Variants in CTNNA3 observed in about 807,000 individuals in gnomAD.
The protein encoded by CTNNA3 is catenin alpha 3, also known as catenin alpha-3.
A neutral mutation model predicts 95.7 loss-of-function variants in CTNNA3; 76 were observed. The ratio of observed to expected loss-of-function variants is 0.79; its 90% CI spans 0.66 to 0.96. The LOEUF is 0.96. Ranked by LOEUF, CTNNA3 falls within the 40% of genes least tolerant of loss-of-function variation. The probability of loss-of-function intolerance (pLI) is 0.00; values close to 1 mark genes in which losing one functional copy is unlikely to be tolerated. For synonymous variants in CTNNA3, 431 were observed against 374.4 expected, an observed-to-expected ratio of 1.15 and a Z score of -1.74; for missense variants, 1,191 against 1,089.8, an observed-to-expected ratio of 1.09 and a Z score of -1.31.
chr10:66,482,570 GATA>G (rs1387569528), intron 11 of CTNNA3, among the ~76,000 whole-genome samples: 2 of 151,984 alleles, frequency 1.3e-5, no homozygotes, highest in African/African-American at 4.8e-5. Context: ...ATATTCTTAA[GATA>G]ATATTTCCTT....
chr10:67,680,452 A>G (rs1004491721), intron 1 of CTNNA3, among the ~76,000 whole-genome samples: 4 of 152,312 alleles, frequency 2.6e-5, no homozygotes, highest in African/African-American at 9.6e-5. Flanking sequence ...GAGATTTTAG[A>G]ACGTCACAGG....
At chr10:66,618,311 T>C (rs540013754) in intron 10 of CTNNA3, among the ~76,000 whole-genome samples, 88 of 151,976 alleles carry the variant, frequency 5.8e-4, no homozygotes, top group African/African-American at 1.9e-3. Flanking sequence ...CTTCAAACTA[T>C]ACTACAAGGC....
chr10:66,017,084 C>T (rs1218687072), intron 15 of CTNNA3, among the ~76,000 whole-genome samples: 3 of 152,104 alleles, frequency 2.0e-5, no homozygotes, highest in African/African-American at 7.2e-5. Context: ...AATGCCTGGA[C>T]TATATTGCCT....
chr10:66,014,852 C>T (rs565128869), intron 15 of CTNNA3, among the ~76,000 whole-genome samples: 52 of 152,220 alleles, frequency 3.4e-4, no homozygotes, highest in African/African-American at 1.1e-3. Context: ...TGCCTGTAAT[C>T]CCAGCACTGT....
At chr10:67,342,840 T>C (rs1338997250) in intron 5 of CTNNA3, among the ~76,000 whole-genome samples, 1 of 152,228 alleles carries the variant, frequency 6.6e-6, no homozygotes, top group African/African-American at 2.4e-5. Context: ...TTGGTTACTA[T>C]AGCTCTGTAG....
At chr10:67,566,022 C>T (rs1266451413) in intron 3 of CTNNA3, among the ~76,000 whole-genome samples, 1 of 57,314 alleles carries the variant, frequency 1.7e-5, no homozygotes, top group East Asian at 7.1e-4. Flanking sequence ...CACAAACACA[C>T]ACACACACAT....
rs531034905 is a variant in CTNNA3 at position 67,750,448 on chromosome 10, G to T, written c.-2+12986C>A. On this transcript the variant is annotated intron_variant, in intron 1 of 17. Transcript: ENST00000684154. ...ATGTCTATCAGAATGAACATGAGGT[G>T]GGGGAAGCCATCCAAGAGAAGATCC... 2.7e-6 allele frequency: 4 copies of T among 1,498,308 alleles called. 1 individual carries two copies. The Admixed American group carries it at 6.7e-5, about 25-fold the overall frequency. The allele number at this position is 1,498,308 out of a possible 1,614,324, so 92.8% of individuals were successfully genotyped here.
chr10:66,588,249 C>T (rs984140803), intron 10 of CTNNA3, among the ~76,000 whole-genome samples: 2 of 151,880 alleles, frequency 1.3e-5, no homozygotes, highest in African/African-American at 4.8e-5. Context: ...GTCTCTCCCC[C>T]TCTCACACAC....
intron 11 of CTNNA3, among the ~76,000 whole-genome samples, chr10:66,466,848 G>C (rs1020452197): frequency 6.6e-6 from 1 of 152,106 alleles, no homozygotes; most frequent in Admixed American, 6.6e-5. Context: ...TGCTTGAAAA[G>C]AATAGATGTA....
chr10:66,149,658 T>C (rs1408399426), intron 13 of CTNNA3, among the ~76,000 whole-genome samples: 1 of 151,982 alleles, frequency 6.6e-6, no homozygotes, highest in African/African-American at 2.4e-5. Context: ...AAATTTGATA[T>C]ACTTTTACTT....
chr10:66,396,376 T>C (rs2092977350), intron 11 of CTNNA3, among the ~76,000 whole-genome samples: 1 of 151,992 alleles, frequency 6.6e-6, no homozygotes, highest in East Asian at 1.9e-4. Flanking sequence ...GGCAAAATAA[T>C]TAATGATGTA....
chr10:65,936,444 T>C (rs1564525653), intron 17 of CTNNA3, among the ~76,000 whole-genome samples: 1 of 152,080 alleles, frequency 6.6e-6, no homozygotes. Flanking sequence ...TGTCTTGAAG[T>C]CCCTATTACT....
At position 66,144,000 on chromosome 10, in the gene CTNNA3, C is replaced by T. The variant is rs191749217; in HGVS notation, c.1885-40751G>A. 2.3e-3 allele frequency among the ~76,000 whole-genome samples: 356 copies of T among 152,238 alleles called. 1 individual carries two copies. Among genetic ancestry groups the T allele is most frequent in the African/African-American group, 8.1e-3 (338 of 41,550 alleles). The stretch of plus-strand genomic sequence containing the variant: ...TATAATCTAATGATTGTACTGTTTT[C>T]CCCCATGGGACCTTTAAATACACAC... On this transcript the variant is annotated intron_variant, in intron 13 of 17. Coordinates refer to ENST00000433211, the MANE Select transcript of CTNNA3 (RefSeq NM_013266.4).
chr10:66,557,252 A>G (rs1842420452), intron 10 of CTNNA3, among the ~76,000 whole-genome samples: 1 of 152,240 alleles, frequency 6.6e-6, no homozygotes, highest in South Asian at 2.1e-4. Flanking sequence ...CATTATTTCT[A>G]GCATATCAAT....
rs1205368772 is a variant in CTNNA3 at position 67,562,648 on chromosome 10, G to A, written c.293-22979C>T. The stretch of plus-strand genomic sequence containing the variant: ...TGGAAGTTCTGGCCAGGGCAATCAG[G>A]CAGGAGAAGTAAATAAAGGGTATTC... On this transcript the variant is annotated intron_variant, in intron 3 of 17. Coordinates refer to ENST00000433211, the MANE Select transcript of CTNNA3 (RefSeq NM_013266.4). Among the ~76,000 whole-genome samples, 3 of 152,248 alleles carry A rather than the reference G, an allele frequency of 2.0e-5. No individual in the cohort carries two copies. The South Asian group carries it at 6.2e-4, about 32-fold the overall frequency.
chr10:66,375,338 G>T (rs1423898395), intron 12 of CTNNA3, among the ~76,000 whole-genome samples: 6 of 152,016 alleles, frequency 3.9e-5, no homozygotes, highest in African/African-American at 1.4e-4. Flanking sequence ...AGACAGAGTG[G>T]AAGAGACTAT....
At chr10:66,097,967 C>T (rs1196316577) in intron 14 of CTNNA3, 1 of 151,978 alleles carries the variant, frequency 6.6e-6, no homozygotes, top group East Asian at 1.9e-4. Context: ...CCTGCAGGAT[C>T]CCCTGCTATA....
chr10:67,096,010 T>C (rs1857969021), intron 7 of CTNNA3, among the ~76,000 whole-genome samples: 1 of 151,838 alleles, frequency 6.6e-6, no homozygotes, highest in African/African-American at 2.4e-5. Context: ...TTAAAGTATG[T>C]GATATCTTTC....
chr10:66,419,153 T>C (rs1056767331), intron 11 of CTNNA3, among the ~76,000 whole-genome samples: 5 of 151,816 alleles, frequency 3.3e-5, no homozygotes, highest in Admixed American at 3.3e-4. Flanking sequence ...ACCCTTAGAG[T>C]TGTTAAACAA....
Sources: allele counts gnomAD v4.1 joint callset (sites outside exome capture counted in the v4.1 genomes callset), GRCh38; gene constraint gnomAD v4.1.1; transcripts MANE v1.5; gene names NCBI Gene and HGNC (gene_info 2026-07-23, HGNC 2026-07-21).